Variants in EZH2 observed in about 807,000 individuals in gnomAD.
EZH2 encodes histone-lysine N-methyltransferase EZH2.
EZH2 carries 18 observed loss-of-function variants against 98.4 expected under a neutral mutation model. The ratio of observed to expected loss-of-function variants is 0.18; its 90% CI spans 0.13 to 0.27. The LOEUF is 0.27. EZH2 is among the 10% of genes least tolerant of loss of function. The pLI is 1.00. For synonymous variants in EZH2, 338 were observed against 312.3 expected, an observed-to-expected ratio of 1.08 and a Z score of -0.87; for missense variants, 470 against 935.1, an observed-to-expected ratio of 0.50 and a Z score of 6.49.
intron 1 of EZH2, among the ~76,000 whole-genome samples, chr7:148,874,382 C>T (rs576083388): frequency 5.9e-5 from 9 of 151,876 alleles, no homozygotes; most frequent in Middle Eastern, 6.8e-3. Flanking sequence ...AGCAAAACCC[C>T]GTCTCAAATA....
chr7:148,839,947 T>G (rs1812013384), intron 3 of EZH2, among the ~76,000 whole-genome samples: 1 of 152,174 alleles, frequency 6.6e-6, no homozygotes, highest in Non-Finnish European at 1.5e-5. Context: ...TTCACAAATA[T>G]AAACAAACAG....
chr7:148,878,627 A>G (rs1291596857), intron 1 of EZH2, among the ~76,000 whole-genome samples: 1 of 152,244 alleles, frequency 6.6e-6, no homozygotes, highest in African/African-American at 2.4e-5. Context: ...AGCTGGGTGC[A>G]GTGGGTCACA....
chr7:148,826,775 C>T, intron 7 of EZH2, 143 bp from the exon 8 acceptor site: 1 of 541,682 alleles, frequency 1.8e-6, no homozygotes, highest in Non-Finnish European at 2.9e-6. Context: ...GATAAAGAGC[C>T]AACTAAATAT....
At chr7:148,871,029 G>C (rs966453702) in intron 1 of EZH2, among the ~76,000 whole-genome samples, 1 of 151,968 alleles carries the variant, frequency 6.6e-6, no homozygotes, top group African/African-American at 2.4e-5. Flanking sequence ...ATGGTATTGA[G>C]TTTTACATAA....
At chr7:148,881,010 A>G (rs184544692) in intron 1 of EZH2, among the ~76,000 whole-genome samples, 265 of 152,346 alleles carry the variant, frequency 1.7e-3, no homozygotes, top group Admixed American at 4.1e-3. Context: ...AGTATGTATC[A>G]TCTGACCATG....
At chr7:148,847,124 G>A in intron 2 of EZH2, 58 bp downstream of exon 2, 1 of 1,545,452 alleles carries the variant, frequency 6.5e-7, no homozygotes, top group Non-Finnish European at 8.7e-7. Context: ...TTGAACTTAG[G>A]AGGGGAAAAA....
At chr7:148,840,785 T>C (rs1312735049) in intron 3 of EZH2, among the ~76,000 whole-genome samples, 2 of 152,176 alleles carry the variant, frequency 1.3e-5, no homozygotes, top group Non-Finnish European at 2.9e-5. Context: ...ATCCCTATTA[T>C]AAAGCTAAAT....
At chr7:148,868,889 G>A (rs1410000168) in intron 1 of EZH2, among the ~76,000 whole-genome samples, 4 of 152,142 alleles carry the variant, frequency 2.6e-5, no homozygotes, top group African/African-American at 9.7e-5. Flanking sequence ...CAGCTGGCCA[G>A]TTACATGCTA....
intron 1 of EZH2, among the ~76,000 whole-genome samples, chr7:148,874,104 G>A (rs6972079): frequency 0.18 from 27,275 of 152,132 alleles, 2,661 homozygotes; most frequent in East Asian, 0.25. Flanking sequence ...AAACTACCAG[G>A]GCCAGGCACA....
chr7:148,813,820 T>G (rs1189999982), intron 15 of EZH2, 139 bp downstream of exon 15: 1 of 870,744 alleles, frequency 1.1e-6, no homozygotes, highest in Admixed American at 2.9e-5. Flanking sequence ...GAGAAAATTA[T>G]GAACACTTTC....
chr7:148,813,848 C>G (rs1584907421), intron 15 of EZH2, 111 bp downstream of exon 15: 1 of 1,146,264 alleles, frequency 8.7e-7, no homozygotes, highest in Non-Finnish European at 1.2e-6. Context: ...TTGCACCTTT[C>G]AAGGATCACT....
intron 16 of EZH2, among the ~76,000 whole-genome samples, chr7:148,810,765 G>A (rs575157386): frequency 2.4e-4 from 36 of 152,022 alleles, no homozygotes; most frequent in Non-Finnish European, 4.3e-4. Flanking sequence ...GCGCGGTGGC[G>A]CATGCCTGTA....
intron 4 of EZH2, 36 bp downstream of exon 4, chr7:148,832,595 GTTA>G (rs756526747): frequency 1.3e-5 from 14 of 1,072,592 alleles, no homozygotes; most frequent in Admixed American, 2.1e-5. Context: ...CTTCAAATAA[GTTA>G]TTATCAAATA....
At chr7:148,849,900 A>C (rs1413396966) in intron 1 of EZH2, among the ~76,000 whole-genome samples, 3 of 152,182 alleles carry the variant, frequency 2.0e-5, no homozygotes, top group Admixed American at 2.0e-4. Context: ...CTCATAGGCT[A>C]ATCACCTCTA....
At chr7:148,849,880 G>C (rs1308083924) in intron 1 of EZH2, among the ~76,000 whole-genome samples, 1 of 152,188 alleles carries the variant, frequency 6.6e-6, no homozygotes, top group Admixed American at 6.5e-5. Flanking sequence ...ATGATCTGTA[G>C]CCTCATTCGC....
chr7:148,838,200 C>CT (rs1269327892), intron 3 of EZH2, among the ~76,000 whole-genome samples: 1 of 151,532 alleles, frequency 6.6e-6, no homozygotes, highest in Non-Finnish European at 1.5e-5. Context: ...TCCCGAGTAG[C>CT]TGGGACTACA....
chr7:148,882,836 G>A (rs1821209021), intron 1 of EZH2, among the ~76,000 whole-genome samples: 1 of 152,206 alleles, frequency 6.6e-6, no homozygotes, highest in East Asian at 1.9e-4. Flanking sequence ...AAATGTTACA[G>A]ATCCTGTGTG....
intron 1 of EZH2, among the ~76,000 whole-genome samples, chr7:148,871,512 C>T (rs1414123059): frequency 1.3e-5 from 2 of 151,052 alleles, no homozygotes; most frequent in Non-Finnish European, 2.9e-5. Flanking sequence ...ACCTATGGAA[C>T]CTGCATATAC....
At chr7:148,826,679 C>G (rs1273718056) in intron 7 of EZH2, 47 bp from the exon 8 acceptor site, 4 of 1,397,026 alleles carry the variant, frequency 2.9e-6, no homozygotes, top group Non-Finnish European at 2.8e-6. Flanking sequence ...ACAAAAATCA[C>G]TTTTTTGAAA....
Sources: gnomAD v4.1 joint callset for allele counts (sites outside exome capture counted in the v4.1 genomes callset) on GRCh38, gnomAD v4.1.1 for gene constraint, MANE v1.5 for transcripts, NCBI Gene and HGNC (gene_info 2026-07-23, HGNC 2026-07-21) for gene names.